Variants in KHDRBS2 observed in about 807,000 individuals in gnomAD.
The protein encoded by KHDRBS2 is KH RNA binding domain containing, signal transduction associated 2.
In KHDRBS2, 26 loss-of-function variants were observed where a neutral mutation model predicts 44.3. The observed-to-expected ratio is 0.59, with a 90% CI of 0.43 to 0.81. The LOEUF is 0.81. Among genes scored for constraint, KHDRBS2 ranks in the 40% least tolerant of loss-of-function variants. KHDRBS2 has a pLI of 0.00. For missense variants in KHDRBS2, 476 were observed against 433.1 expected, an observed-to-expected ratio of 1.10 and a Z score of -0.88; for synonymous variants, 194 against 151.1, an observed-to-expected ratio of 1.28 and a Z score of -2.08.
chr6:62,078,462 G>T (rs1357742730), intron 2 of KHDRBS2, among the ~76,000 whole-genome samples: 1 of 151,808 alleles, frequency 6.6e-6, no homozygotes, highest in Non-Finnish European at 1.5e-5. Context: ...GTACAAAAAT[G>T]TTATGATTTT....
chr6:61,923,513 G>C (rs938853533), intron 4 of KHDRBS2, among the ~76,000 whole-genome samples: 11 of 151,874 alleles, frequency 7.2e-5, no homozygotes, highest in African/African-American at 2.7e-4. Context: ...ATGCAATATT[G>C]GTTTAATATT....
chr6:62,192,441 CT>C (rs1824826194), intron 1 of KHDRBS2, among the ~76,000 whole-genome samples: 2 of 152,124 alleles, frequency 1.3e-5, no homozygotes, highest in East Asian at 1.9e-4. Context: ...AATGAAAAGA[CT>C]TTTTTCCTGA....
In KHDRBS2 at chr6:62,177,128, G is replaced by A. The variant is rs185912562; in HGVS notation, c.219+57C>T. Reference sequence around the variant, plus strand: ...TATAAAAGTGAATAATTAAAATACCGTCTTCTTTTATCATTTCTAAATCAA... The same window carrying A: ...TATAAAAGTGAATAATTAAAATACCATCTTCTTTTATCATTTCTAAATCAA... On this transcript the variant is annotated intron_variant, in intron 2 of 8. Coordinates refer to ENST00000281156, the MANE Select transcript of KHDRBS2 (RefSeq NM_152688.4). The A allele has an allele frequency of 3.5e-4, 356 of 1,013,232 alleles. 2 individuals carry two copies. The highest frequency in any genetic ancestry group is 4.5e-4 in the Non-Finnish European group (318 of 701,198). The allele number at this position is 1,013,232 out of a possible 1,614,324, so 62.8% of individuals were successfully genotyped here.
the KHDRBS2 span, among the ~76,000 whole-genome samples, chr6:61,673,401 A>C: frequency 6.6e-6 from 1 of 151,810 alleles, no homozygotes; most frequent in Non-Finnish European, 1.5e-5. Flanking sequence ...CCTATTCAAC[A>C]TAGTGTTGGA....
chr6:62,014,454 T>C (rs1780842808), intron 3 of KHDRBS2, among the ~76,000 whole-genome samples: 2 of 152,164 alleles, frequency 1.3e-5, no homozygotes, highest in Non-Finnish European at 2.9e-5. Context: ...AAATTGTTTA[T>C]GAATAAGTAA....
intron 6 of KHDRBS2, among the ~76,000 whole-genome samples, chr6:61,750,484 C>T (rs1004271342): frequency 1.1e-4 from 17 of 152,092 alleles, no homozygotes; most frequent in African/African-American, 4.1e-4. Flanking sequence ...TGAAATTCTG[C>T]TGTTCTTATA....
At chr6:62,073,514 G>A (rs780819682) in intron 2 of KHDRBS2, among the ~76,000 whole-genome samples, 134 of 134,724 alleles carry the variant, frequency 9.9e-4, no homozygotes, top group African/African-American at 3.5e-3. Flanking sequence ...ATGGTTTGGT[G>A]ATTTTTTTCT....
chr6:61,653,576 C>A, the KHDRBS2 span, among the ~76,000 whole-genome samples: 10 of 151,472 alleles, frequency 6.6e-5, no homozygotes, highest in African/African-American at 2.4e-4. Context: ...ACAGTCCTTC[C>A]TTTATGGAAC....
chr6:61,734,126 T>C (rs978980085), intron 6 of KHDRBS2, among the ~76,000 whole-genome samples: 1 of 152,206 alleles, frequency 6.6e-6, no homozygotes, highest in Non-Finnish European at 1.5e-5. Flanking sequence ...TATTTCTTCA[T>C]TTTCACGTGG....
intron 1 of KHDRBS2, among the ~76,000 whole-genome samples, chr6:62,222,639 T>A (rs1385304306): frequency 6.6e-6 from 1 of 152,138 alleles, no homozygotes; most frequent in Non-Finnish European, 1.5e-5. Context: ...ATACCTCCCC[T>A]GGCCCCTCCC....
intron 6 of KHDRBS2, among the ~76,000 whole-genome samples, chr6:61,749,223 C>T (rs1777311451): frequency 6.6e-6 from 1 of 151,818 alleles, no homozygotes; most frequent in Non-Finnish European, 1.5e-5. Context: ...CCGTGTTAGC[C>T]AGGATGATCT....
chr6:61,790,277 G>T (rs762457967), intron 6 of KHDRBS2, among the ~76,000 whole-genome samples: 5 of 151,266 alleles, frequency 3.3e-5, no homozygotes, highest in Non-Finnish European at 7.4e-5. Flanking sequence ...TTGTTTGGAA[G>T]AATTTGTCCT....
At chr6:62,062,133 C>A (rs1264857671) in intron 2 of KHDRBS2, among the ~76,000 whole-genome samples, 1 of 148,068 alleles carries the variant, frequency 6.8e-6, no homozygotes, top group Non-Finnish European at 1.5e-5. Flanking sequence ...TAAAGCAAGT[C>A]CTGAGTGACC....
At chr6:62,081,819 C>T (rs1403553148) in intron 2 of KHDRBS2, among the ~76,000 whole-genome samples, 1 of 151,692 alleles carries the variant, frequency 6.6e-6, no homozygotes, top group Non-Finnish European at 1.5e-5. Context: ...GATGTTCATA[C>T]ATTTTTGGAC....
At position 61,710,802 on chromosome 6, in the gene KHDRBS2, T is replaced by TA. The variant is rs1489408613; in HGVS notation, c.894-13550_894-13549insT. Reference sequence around the variant, plus strand: ...CTCTCATTGTACCTGAGCTCTTTTTTTTTTTTTTTTAATCTTGATCTCATT... The same window carrying TA: ...CTCTCATTGTACCTGAGCTCTTTTTTATTTTTTTTTTAATCTTGATCTCATT... On this transcript the variant is annotated intron_variant, in intron 7 of 8. Transcript: ENST00000281156. 1.2e-4 allele frequency among the ~76,000 whole-genome samples: 18 copies of TA among 145,698 alleles called. No homozygotes were observed. The East Asian group carries it at 3.5e-3, about 28-fold the overall frequency.
At chr6:62,279,219 T>G (rs1841452127) in intron 1 of KHDRBS2, among the ~76,000 whole-genome samples, 1 of 152,196 alleles carries the variant, frequency 6.6e-6, no homozygotes, top group Non-Finnish European at 1.5e-5. Context: ...AGGACTTCCC[T>G]GTACTATCTT....
intron 4 of KHDRBS2, among the ~76,000 whole-genome samples, chr6:61,910,090 C>T (rs1324359738): frequency 6.6e-6 from 1 of 152,182 alleles, no homozygotes; most frequent in African/African-American, 2.4e-5. Flanking sequence ...GATTAGGGCG[C>T]TTTTACCGGA....
At chr6:61,725,990 A>C (rs1439311913) in intron 7 of KHDRBS2, among the ~76,000 whole-genome samples, 1 of 152,148 alleles carries the variant, frequency 6.6e-6, no homozygotes, top group Non-Finnish European at 1.5e-5. Flanking sequence ...GCAGAGATAC[A>C]AGAAACAAAG....
At chr6:61,935,125 G>A (rs17350447) in intron 4 of KHDRBS2, among the ~76,000 whole-genome samples, 2,351 of 152,140 alleles carry the variant, frequency 0.015, 158 homozygotes, top group Admixed American at 0.11. Context: ...CTAATTTGTC[G>A]CTAAGGAAAT....
Sources: allele counts gnomAD v4.1 joint callset (sites outside exome capture counted in the v4.1 genomes callset), GRCh38; gene constraint gnomAD v4.1.1; transcripts MANE v1.5; gene names NCBI Gene and HGNC (gene_info 2026-07-23, HGNC 2026-07-21).